The following CCBE1 variants were observed in gnomAD, a reference collection of about 807,000 sequenced individuals.
CCBE1 encodes collagen and calcium binding EGF domains 1, also known as collagen and calcium-binding EGF domain-containing protein 1.
In CCBE1, 37 loss-of-function variants were observed where a neutral mutation model predicts 50.0. That is an observed-to-expected ratio of 0.74 (90% confidence interval 0.57 to 0.97). CCBE1 has a LOEUF of 0.97. CCBE1 is among the 50% of genes least tolerant of loss of function. The pLI is 0.00. For missense variants in CCBE1, 538 were observed against 523.8 expected (o/e 1.03, Z -0.26); for synonymous variants, 234 against 203.7 (o/e 1.15, Z -1.27).
rs142828810 is a variant in CCBE1 at position 59,587,762 on chromosome 18, A to G, written c.213-107524T>C. Among the ~76,000 whole-genome samples the G allele has an allele frequency of 7.7e-3, 1,168 of 152,360 alleles. 9 individuals carry two copies. The highest frequency in any genetic ancestry group is 0.016 in the Admixed American group (248 of 15,310). On this transcript the variant is annotated intron_variant, in intron 2 of 10. Coordinates refer to ENST00000439986, the MANE Select transcript of CCBE1 (RefSeq NM_133459.4). ...AAAATAAAATTTATCTTAATCACAG[A>G]TAAGATTATAAAACAGAACCCAAAA...
intron 2 of CCBE1, among the ~76,000 whole-genome samples, chr18:59,574,172 G>T (rs1241462064): frequency 1.3e-5 from 2 of 152,008 alleles, no homozygotes; most frequent in Admixed American, 6.5e-5. Flanking sequence ...CATGTGATCT[G>T]ATTATAATAA....
At chr18:59,505,845 A>C (rs138158444) in intron 2 of CCBE1, among the ~76,000 whole-genome samples, 4 of 152,360 alleles carry the variant, frequency 2.6e-5, no homozygotes, top group Non-Finnish European at 5.9e-5. Flanking sequence ...AGGGATGTTC[A>C]CCAGTCAGAA....
chr18:59,473,743 T>TC (rs1299039475), intron 3 of CCBE1, among the ~76,000 whole-genome samples: 9 of 1,444 alleles, frequency 6.2e-3, no homozygotes, highest in East Asian at 0.025. Flanking sequence ...CACTATTTCC[T>TC]CCCCCACTAC....
chr18:59,636,881 G>T (rs920604009), intron 2 of CCBE1, among the ~76,000 whole-genome samples: 2 of 152,158 alleles, frequency 1.3e-5, no homozygotes, highest in African/African-American at 4.8e-5. Context: ...ACTGGATGAC[G>T]ATAGCATTTA....
At position 59,435,929 on chromosome 18, in the gene CCBE1, G is replaced by A. The variant is rs1910131235; in HGVS notation, c.1200C>T (p.Ala400=). The A allele has an allele frequency of 1.2e-6, 2 of 1,613,948 alleles. No homozygotes were observed. The highest frequency in any genetic ancestry group is 2.2e-5 in the East Asian group (1 of 44,890). The change falls in exon 11 of 11, where the codon GCC becomes GCT. Residue 400 remains alanine (A), a synonymous_variant. Coordinates refer to ENST00000439986, the MANE Select transcript of CCBE1 (RefSeq NM_133459.4). The part of the protein sequence containing the change: ...PRRTETRDLR[A]PRDFYP ...TGTGCTATGGGTAGAAGTCTCTGGGGGCTCTCAAGTCTCTTGTCTCAGTTC... is the reference window on the plus strand; with the variant it reads ...TGTGCTATGGGTAGAAGTCTCTGGGAGCTCTCAAGTCTCTTGTCTCAGTTC...
intron 3 of CCBE1, among the ~76,000 whole-genome samples, chr18:59,471,739 A>G (rs1189550859): frequency 6.6e-6 from 1 of 152,206 alleles, no homozygotes; most frequent in Non-Finnish European, 1.5e-5. Flanking sequence ...AGTGACACAC[A>G]TAGAGACACA....
intron 2 of CCBE1, among the ~76,000 whole-genome samples, chr18:59,653,264 C>G (rs991693426): frequency 8.5e-5 from 13 of 152,198 alleles, no homozygotes; most frequent in African/African-American, 3.1e-4. Flanking sequence ...TGGTGAGAAC[C>G]AAACCAGGCT....
intron 2 of CCBE1, among the ~76,000 whole-genome samples, chr18:59,522,821 C>G (rs1261003693): frequency 1.3e-5 from 2 of 151,804 alleles, no homozygotes; most frequent in Non-Finnish European, 2.9e-5. Flanking sequence ...AACCTCGTCT[C>G]TACTAAGAAA....
intron 2 of CCBE1, among the ~76,000 whole-genome samples, chr18:59,695,042 G>C (rs2054786447): frequency 6.6e-6 from 1 of 152,156 alleles, no homozygotes. Context: ...AAGAAGTCTG[G>C]AAAAGATGAC....
Position 59,435,815 on chromosome 18 carries a change from T to C in CCBE1, c.*93A>G, listed in dbSNP as rs1283535804. ...GAAGAGAAGAGAAAAATGTATGTTTTCTAGGTCTCCAGTGGTCTTTCTTCT... is the reference window on the plus strand; with the variant it reads ...GAAGAGAAGAGAAAAATGTATGTTTCCTAGGTCTCCAGTGGTCTTTCTTCT... On this transcript the variant is annotated 3_prime_UTR_variant, in exon 11 of 11. Transcript: ENST00000439986. 1.0e-5 allele frequency: 11 copies of C among 1,093,298 alleles called. No homozygotes were observed. In the Admixed American group the frequency reaches 1.0e-4, roughly 10 times the overall value. 67.7% of individuals were successfully genotyped at this position (1,093,298 alleles called of 1,614,324 possible).
chr18:59,637,599 A>G (rs2053931799), intron 2 of CCBE1, among the ~76,000 whole-genome samples: 1 of 152,224 alleles, frequency 6.6e-6, no homozygotes, highest in Non-Finnish European at 1.5e-5. Flanking sequence ...AACCAGGCAA[A>G]CCTCTGGAGA....
intron 2 of CCBE1, among the ~76,000 whole-genome samples, chr18:59,691,446 C>T (rs931585102): frequency 6.6e-6 from 1 of 152,216 alleles, no homozygotes; most frequent in Non-Finnish European, 1.5e-5. Flanking sequence ...CGCTCTGTTG[C>T]CCAGGCTGGA....
chr18:59,435,716 A>G lies in CCBE1; in HGVS notation c.*192T>C. 1 of 653,064 alleles carries G rather than the reference A, an allele frequency of 1.5e-6. No individual in the cohort carries two copies. The highest frequency in any genetic ancestry group is 2.7e-6 in the Non-Finnish European group (1 of 366,300). The allele number at this position is 653,064 out of a possible 1,614,324, so 40.5% of individuals were successfully genotyped here. A position where few individuals can be genotyped will look rare whatever the true frequency, so the allele number is the denominator to read the frequency against. ...AGGTAAATCAATCATTCACTCCCTC[A>G]TGTCTGCAGGCCTAGGAGGGGACTC... is the stretch of plus-strand genomic sequence containing the variant. On this transcript the variant is annotated 3_prime_UTR_variant, in exon 11 of 11. Transcript: ENST00000439986.
chr18:59,642,966 A>G (rs1378273824), intron 2 of CCBE1, among the ~76,000 whole-genome samples: 1 of 151,134 alleles, frequency 6.6e-6, no homozygotes, highest in Non-Finnish European at 1.5e-5. Context: ...AAAAAAAAAA[A>G]AAAATTACAA....
In CCBE1 at chr18:59,527,681, G is replaced by A. The variant is rs567930126; in HGVS notation, c.213-47443C>T. Among the ~76,000 whole-genome samples, 16 of 151,932 alleles carry A rather than the reference G, an allele frequency of 1.1e-4. No individual in the cohort carries two copies. In the South Asian group the frequency reaches 2.3e-3, roughly 22 times the overall value. ...GAGCTCTTGCAAGACAGGCCTTGTG[G>A]TGACAAATTCTCTCAGGATTTGCTT... On this transcript the variant is annotated intron_variant, in intron 2 of 10. Coordinates refer to ENST00000439986, the MANE Select transcript of CCBE1 (RefSeq NM_133459.4).
chr18:59,654,800 A>AC (rs1555704171), intron 2 of CCBE1, among the ~76,000 whole-genome samples: 2 of 151,316 alleles, frequency 1.3e-5, no homozygotes, highest in Non-Finnish European at 2.9e-5. Flanking sequence ...CCAAAAAAAA[A>AC]AAAAAAAAGG....
chr18:59,488,254 G>T (rs1598944455), intron 2 of CCBE1, among the ~76,000 whole-genome samples: 1 of 152,272 alleles, frequency 6.6e-6, no homozygotes, highest in East Asian at 1.9e-4. Context: ...GAAAAATTCT[G>T]GAGACGGATG....
intron 2 of CCBE1, among the ~76,000 whole-genome samples, chr18:59,602,080 G>A (rs1339263854): frequency 6.7e-6 from 1 of 149,852 alleles, no homozygotes; most frequent in African/African-American, 2.4e-5. Context: ...CCCATCATTT[G>A]CAAGAGACCA....
intron 2 of CCBE1, among the ~76,000 whole-genome samples, chr18:59,642,948 C>CA (rs10683687): frequency 0.32 from 30,417 of 94,080 alleles, 4,392 homozygotes; most frequent in East Asian, 0.44. Context: ...GACTCCACCT[C>CA]AAAAAAAAAA....
Sources: gnomAD v4.1 joint callset for allele counts (sites outside exome capture counted in the v4.1 genomes callset) on GRCh38, gnomAD v4.1.1 for gene constraint, MANE v1.5 for transcripts, NCBI Gene and HGNC (gene_info 2026-07-23, HGNC 2026-07-21) for gene names.